CNTNAP2: variants seen among roughly 807,000 people sequenced by gnomAD.
CNTNAP2 encodes contactin-associated protein-like 2.
CNTNAP2 carries 98 observed loss-of-function variants against 155.2 expected under a neutral mutation model. The observed-to-expected ratio is 0.63, with a 90% CI of 0.54 to 0.75. The LOEUF is 0.75. Ranked by LOEUF, CNTNAP2 falls within the 30% of genes least tolerant of loss-of-function variation. CNTNAP2 has a pLI of 0.00. For missense variants in CNTNAP2, 1,727 were observed against 1,688.1 expected (o/e 1.02, Z -0.40); for synonymous variants, 651 against 631.2 (o/e 1.03, Z -0.47).
chr7:147,300,462 T>C (rs1794927415), intron 9 of CNTNAP2, among the ~76,000 whole-genome samples, 172 bp downstream of exon 9: 1 of 152,194 alleles, frequency 6.6e-6, no homozygotes, highest in Admixed American at 6.5e-5. Context: ...AAATTTTATT[T>C]CTTTCTGATG....
chr7:146,766,464 TGTAGCCCA>T (rs957951418), intron 1 of CNTNAP2, among the ~76,000 whole-genome samples: 1 of 152,182 alleles, frequency 6.6e-6, no homozygotes, highest in African/African-American at 2.4e-5. Flanking sequence ...ATTAGGTCTG[TGTAGCCCA>T]GTGCAACATA....
At chr7:146,564,329 A>T (rs1798324683) in intron 1 of CNTNAP2, among the ~76,000 whole-genome samples, 2 of 152,088 alleles carry the variant, frequency 1.3e-5, no homozygotes, top group Admixed American at 6.6e-5. Context: ...ATATTACCTT[A>T]GGCAAATAAT....
intron 8 of CNTNAP2, among the ~76,000 whole-genome samples, chr7:147,231,022 G>T (rs66489842): frequency 6.6e-6 from 1 of 152,298 alleles, no homozygotes; most frequent in South Asian, 2.1e-4. Flanking sequence ...AAGACAAAAA[G>T]GAATCAAAGC....
At chr7:146,143,371 T>G in intron 1 of CNTNAP2, among the ~76,000 whole-genome samples, 1 of 152,210 alleles carries the variant, frequency 6.6e-6, no homozygotes, top group Admixed American at 6.5e-5. Flanking sequence ...AATTAGATGT[T>G]AAGTTATTAA....
intron 1 of CNTNAP2, among the ~76,000 whole-genome samples, chr7:146,342,957 A>G (rs1391131849): frequency 1.3e-5 from 2 of 152,250 alleles, no homozygotes; most frequent in Non-Finnish European, 2.9e-5. Flanking sequence ...CACACTGTGC[A>G]GCAAGTGAAA....
chr7:146,399,135 G>T (rs1208101634), intron 1 of CNTNAP2, among the ~76,000 whole-genome samples: 1 of 152,034 alleles, frequency 6.6e-6, no homozygotes, highest in African/African-American at 2.4e-5. Flanking sequence ...ATTGTAGAAT[G>T]GATAAATAAA....
intron 1 of CNTNAP2, among the ~76,000 whole-genome samples, chr7:146,127,633 A>G (rs936059890): frequency 1.3e-5 from 2 of 152,180 alleles, no homozygotes; most frequent in South Asian, 2.1e-4. Flanking sequence ...CTTAAGCCAC[A>G]TGGGTGATCA....
At chr7:146,485,512 G>A (rs763829671) in intron 1 of CNTNAP2, among the ~76,000 whole-genome samples, 1 of 152,194 alleles carries the variant, frequency 6.6e-6, no homozygotes, top group Non-Finnish European at 1.5e-5. Context: ...AGATGGGTCT[G>A]ATTTCTGAAC....
intron 1 of CNTNAP2, among the ~76,000 whole-genome samples, chr7:146,761,284 T>G (rs1185355162): frequency 1.4e-5 from 2 of 144,544 alleles, no homozygotes; most frequent in Non-Finnish European, 3.0e-5. Flanking sequence ...TCATAATTGC[T>G]GGAAGGAAGG....
chr7:147,628,382 G>A (rs909155595), intron 12 of CNTNAP2, among the ~76,000 whole-genome samples: 16 of 152,134 alleles, frequency 1.1e-4, no homozygotes, highest in African/African-American at 3.9e-4. Context: ...CAGTAAAATG[G>A]AGCTTCATAA....
intron 11 of CNTNAP2, among the ~76,000 whole-genome samples, chr7:147,539,181 A>C (rs997160138): frequency 5.9e-5 from 9 of 152,204 alleles, no homozygotes; most frequent in Non-Finnish European, 1.3e-4. Context: ...ATTTATCTTT[A>C]GTATTCTCCA....
chr7:148,202,025 G>T (rs961805587), intron 18 of CNTNAP2, among the ~76,000 whole-genome samples: 1 of 152,024 alleles, frequency 6.6e-6, no homozygotes, highest in East Asian at 1.9e-4. Context: ...GGGCCCTTGA[G>T]AAGCCTGTGC....
chr7:148,142,403 A>G (rs2116645533), intron 16 of CNTNAP2, among the ~76,000 whole-genome samples: 1 of 152,278 alleles, frequency 6.6e-6, no homozygotes, highest in Non-Finnish European at 1.5e-5. Context: ...AAAAAAATAC[A>G]GGAAACAAAA....
At chr7:146,359,412 A>G (rs1047926916) in intron 1 of CNTNAP2, among the ~76,000 whole-genome samples, 1 of 152,136 alleles carries the variant, frequency 6.6e-6, no homozygotes, top group African/African-American at 2.4e-5. Flanking sequence ...AGTCTATCTA[A>G]CTCCACTATG....
At chr7:147,652,411 T>C (rs973787454) in intron 13 of CNTNAP2, among the ~76,000 whole-genome samples, 1 of 152,196 alleles carries the variant, frequency 6.6e-6, no homozygotes. Flanking sequence ...TATATCTAGA[T>C]AACTAATGCT....
At chr7:147,248,439 G>A (rs550038773) in intron 8 of CNTNAP2, among the ~76,000 whole-genome samples, 1 of 152,290 alleles carries the variant, frequency 6.6e-6, no homozygotes, top group South Asian at 2.1e-4. Flanking sequence ...AGGCAAGTGA[G>A]CAGCATGGAG....
At chr7:146,465,107 T>C (rs114103765) in intron 1 of CNTNAP2, among the ~76,000 whole-genome samples, 2,647 of 152,102 alleles carry the variant, frequency 0.017, 49 homozygotes, top group African/African-American at 0.042. Context: ...GAAGCCTCTT[T>C]GACTAGTCTA....
intron 8 of CNTNAP2, among the ~76,000 whole-genome samples, chr7:147,256,029 C>T (rs1804317244): frequency 6.6e-6 from 1 of 152,174 alleles, no homozygotes; most frequent in South Asian, 2.1e-4. Context: ...GTGTAAGCCA[C>T]CACAGCTAGC....
At chr7:146,616,456 C>G (rs2129155156) in intron 1 of CNTNAP2, among the ~76,000 whole-genome samples, 1 of 152,200 alleles carries the variant, frequency 6.6e-6, no homozygotes, top group East Asian at 1.9e-4. Context: ...TGAGGATGGC[C>G]TTTCTAACCG....
Sources: gnomAD v4.1 joint callset for allele counts (sites outside exome capture counted in the v4.1 genomes callset) on GRCh38, gnomAD v4.1.1 for gene constraint, MANE v1.5 for transcripts, NCBI Gene and HGNC (gene_info 2026-07-23, HGNC 2026-07-21) for gene names.